The following HOXD13 variants were observed in gnomAD, a reference collection of about 807,000 sequenced individuals.
HOXD13 encodes homeobox D13, also known as homeobox protein Hox-D13.
HOXD13 carries 16 observed loss-of-function variants against 27.3 expected under a neutral mutation model. That is an observed-to-expected ratio of 0.59 (90% CI 0.40 to 0.89). The LOEUF (loss-of-function observed/expected upper bound fraction) is 0.89. Among genes scored for constraint, HOXD13 ranks in the 40% least tolerant of loss-of-function variants. HOXD13 has a pLI of 0.00. For missense variants in HOXD13, 481 were observed against 482.6 expected (o/e 1.00, Z 0.03); for synonymous variants, 241 against 219.0 (o/e 1.10, Z -0.89).
chr2:176,087,711 G>T, the HOXD13 span, among the ~76,000 whole-genome samples: 4 of 152,182 alleles, frequency 2.6e-5, no homozygotes, highest in Admixed American at 6.5e-5. Flanking sequence ...GAACCCACTA[G>T]ATAAAACAAG....
chr2:176,094,825 C>A lies in HOXD13; in HGVS notation c.*95C>A. ...TGAATATGTATTTAATTCCCCCCAC[C>A]CCCTGCCAATGGTGGCAAATTTTGT... On this transcript the variant is annotated 3_prime_UTR_variant, in exon 2 of 2. Coordinates refer to ENST00000392539, the MANE Select transcript of HOXD13 (RefSeq NM_000523.4). 8.6e-7 allele frequency: 1 copy of A among 1,161,648 alleles called. No homozygotes were observed. Among genetic ancestry groups the A allele is most frequent in the Non-Finnish European group, 1.3e-6 (1 of 777,780 alleles). The allele number at this position is 1,161,648 out of a possible 1,614,324, so 72.0% of individuals were successfully genotyped here.
In HOXD13 at chr2:176,094,480, G is replaced by A; in HGVS notation, c.782G>A (p.Gly261Glu). ...GSHFWKSSFPGDVALNQPDMC... is the reference protein window; with the variant it reads ...GSHFWKSSFPEDVALNQPDMC... ...TTTCTTGTGCTTTTGTTTGTATCAG[G>A]GGATGTGGCTCTAAATCAGCCGGAC... The change falls in exon 2 of 2, where the codon GGG becomes GAG. Residue 261 changes from glycine to glutamate, a missense_variant and splice_region_variant. By Grantham distance (98) the Gly-to-Glu change is moderately conservative. Transcript: ENST00000392539. The A allele has an allele frequency of 6.2e-7, 1 of 1,613,748 alleles. No homozygotes were observed. Among genetic ancestry groups the A allele is most frequent in the South Asian group, 1.1e-5 (1 of 91,050 alleles).
At chr2:176,088,928 C>T (rs1446080915), upstream of HOXD13, among the ~76,000 whole-genome samples, 1 of 152,200 alleles carries the variant, frequency 6.6e-6, no homozygotes, top group African/African-American at 2.4e-5. Flanking sequence ...AAAGAATCCT[C>T]ACTGTGTTTA....
Position 176,093,594 on chromosome 2 carries a change from C to G in HOXD13, c.704C>G (p.Ala235Gly). The change falls in exon 1 of 2, where the codon GCT (alanine) becomes GGT (glycine). Residue 235 changes from alanine (A) to glycine (G), a missense_variant. Transcript: ENST00000392539. ...SMEGYQSWTL[A>G]NGWNSQVYCT... is the part of the protein sequence containing the mutation. ...GAGGGGTACCAGTCCTGGACGCTGGCTAACGGGTGGAACAGCCAGGTGTAC... is the reference window on the plus strand; with the variant it reads ...GAGGGGTACCAGTCCTGGACGCTGGGTAACGGGTGGAACAGCCAGGTGTAC... The G allele has an allele frequency of 6.2e-7, 1 of 1,613,748 alleles. No individual in the cohort carries two copies. Among genetic ancestry groups the G allele is most frequent in the Non-Finnish European group, 8.5e-7 (1 of 1,179,964 alleles).
Position 176,095,208 on chromosome 2 carries a change from G to A in HOXD13, c.*478G>A, listed in dbSNP as rs1053137179. On this transcript the variant is annotated 3_prime_UTR_variant, in exon 2 of 2. Coordinates refer to ENST00000392539, the MANE Select transcript of HOXD13 (RefSeq NM_000523.4). ...GTAATTGAATCATTAGCTCTCAGCAGTTGCCCTGAGGCAAGTGGAAAGGCA... is the reference window on the plus strand; with the variant it reads ...GTAATTGAATCATTAGCTCTCAGCAATTGCCCTGAGGCAAGTGGAAAGGCA... 6 of 243,794 alleles carry A rather than the reference G, an allele frequency of 2.5e-5. No individual in the cohort carries two copies. In the Admixed American group the frequency reaches 3.0e-4, roughly 12 times the overall value. 15.1% of individuals were successfully genotyped at this position (243,794 alleles called of 1,614,324 possible).
At chr2:176,091,110 T>C (rs1210794158), upstream of HOXD13, among the ~76,000 whole-genome samples, 1 of 152,186 alleles carries the variant, frequency 6.6e-6, no homozygotes, top group East Asian at 1.9e-4. Context: ...TTTGAGCCTT[T>C]TATGGTTACT....
chr2:176,089,059 G>A (rs1574941165), upstream of HOXD13, among the ~76,000 whole-genome samples: 5 of 152,358 alleles, frequency 3.3e-5, no homozygotes, highest in South Asian at 1.0e-3. Flanking sequence ...AACTGTTGTT[G>A]CTGCAAACGA....
In HOXD13 at chr2:176,093,361, C is replaced by A. The variant is rs2105378728; in HGVS notation, c.471C>A (p.Ala157=). The A allele has an allele frequency of 1.2e-6, 2 of 1,613,862 alleles. No homozygotes were observed. The highest frequency in any genetic ancestry group is 1.7e-6 in the Non-Finnish European group (2 of 1,180,040). ...ATGCGCTCAAGTCATCGCCGCACGC[C>A]TCGCTGGGAGGCTTTCCCGTGGAGA... ...QQNALKSSPH[A]SLGGFPVEKY... The change falls in exon 1 of 2, where the codon GCC becomes GCA. Residue 157 remains alanine, a synonymous_variant. Transcript: ENST00000392539.
upstream of HOXD13, among the ~76,000 whole-genome samples, chr2:176,092,257 T>TA (rs896953012): frequency 1.2e-4 from 19 of 152,112 alleles, no homozygotes; most frequent in Admixed American, 6.5e-4. Context: ...AGCAACAGGA[T>TA]AAAAAAATGG....
In HOXD13 at chr2:176,093,211, C is replaced by G. The variant is rs1559108013; in HGVS notation, c.321C>G (p.Cys107Trp). ...CGGAGGCTCCCCCAGCCAAAGAGTG[C>G]CCAGCACCCACGCCTGCAGCGGCCG... is the stretch of plus-strand genomic sequence containing the variant. ...ARPEAPPAKE[C>W]PAPTPAAAAA... Residue 107 changes from cysteine to tryptophan, a missense_variant, in exon 1 of 2, where the codon TGC (cysteine) becomes TGG (tryptophan). By Grantham distance (215) the Cys-to-Trp change is radical. Transcript: ENST00000392539. 6.2e-7 allele frequency: 1 copy of G among 1,609,698 alleles called. No homozygotes were observed. Among genetic ancestry groups the G allele is most frequent in the Non-Finnish European group, 8.5e-7 (1 of 1,179,542 alleles).
At chr2:176,088,114 C>G (rs1220395885), upstream of HOXD13, among the ~76,000 whole-genome samples, 5 of 152,256 alleles carry the variant, frequency 3.3e-5, no homozygotes, top group East Asian at 9.6e-4. Context: ...GGGACGCATG[C>G]TTGCTCGAGA....
At chr2:176,087,769 T>C (rs1345722329), upstream of HOXD13, among the ~76,000 whole-genome samples, 1 of 152,120 alleles carries the variant, frequency 6.6e-6, no homozygotes, top group Admixed American at 6.6e-5. Flanking sequence ...ATTTTTAAGA[T>C]GGGGTGGGGA....
chr2:176,088,353 C>T (rs1689272981), upstream of HOXD13, among the ~76,000 whole-genome samples: 2 of 152,252 alleles, frequency 1.3e-5, no homozygotes, highest in Admixed American at 1.3e-4. Flanking sequence ...CAATCCCGCG[C>T]CCCACGGAGG....
upstream of HOXD13, among the ~76,000 whole-genome samples, chr2:176,088,654 G>A (rs1345190081): frequency 6.6e-6 from 1 of 152,194 alleles, no homozygotes; most frequent in African/African-American, 2.4e-5. Context: ...GGACTCTGCG[G>A]AATGGAGATA....
At chr2:176,094,191 T>C (rs1689376652) in intron 1 of HOXD13, among the ~76,000 whole-genome samples, 1 of 152,212 alleles carries the variant, frequency 6.6e-6, no homozygotes, top group Non-Finnish European at 1.5e-5. Context: ...CTCATGAACG[T>C]GCCCAATAAC....
rs1162865491 is a variant in HOXD13 at position 176,093,620 on chromosome 2, T to C, written c.730T>C (p.Cys244Arg). 2 of 1,611,510 alleles carry C rather than the reference T, an allele frequency of 1.2e-6. No individual in the cohort carries two copies. Among genetic ancestry groups the C allele is most frequent in the Middle Eastern group, 1.7e-4 (1 of 6,052 alleles). ...LANGWNSQVY[C>R]TKDQPQGSHF... Reference sequence around the variant, plus strand: ...TAACGGGTGGAACAGCCAGGTGTACTGCACCAAGGACCAGCCACAGGGGTC... The same window carrying C: ...TAACGGGTGGAACAGCCAGGTGTACCGCACCAAGGACCAGCCACAGGGGTC... Residue 244 changes from cysteine to arginine, a missense_variant, in exon 1 of 2, where the codon TGC (cysteine) becomes CGC (arginine). Physicochemically the swap from Cys to Arg is radical, Grantham distance 180. Coordinates refer to ENST00000392539, the MANE Select transcript of HOXD13 (RefSeq NM_000523.4).
the HOXD13 span, among the ~76,000 whole-genome samples, chr2:176,087,681 T>G: frequency 1.3e-5 from 2 of 152,320 alleles, no homozygotes; most frequent in East Asian, 3.9e-4. Context: ...TCAAGGCCTC[T>G]TACCCACTAC....
upstream of HOXD13, among the ~76,000 whole-genome samples, chr2:176,089,151 C>T (rs1574941208): frequency 6.6e-6 from 1 of 152,230 alleles, no homozygotes; most frequent in Non-Finnish European, 1.5e-5. Context: ...AATGTGGCTT[C>T]CACTGTCTAG....
upstream of HOXD13, among the ~76,000 whole-genome samples, chr2:176,090,149 CT>C (rs996323574): frequency 5.3e-5 from 8 of 152,262 alleles, no homozygotes; most frequent in African/African-American, 1.9e-4. Context: ...TCCAGAGGTG[CT>C]GGGCTTTGGA....
Sources: gnomAD v4.1 joint callset for allele counts (sites outside exome capture counted in the v4.1 genomes callset) on GRCh38, gnomAD v4.1.1 for gene constraint, MANE v1.5 for transcripts, NCBI Gene and HGNC (gene_info 2026-07-23, HGNC 2026-07-21) for gene names.